PTPRN2: variants seen among roughly 807,000 people sequenced by gnomAD.
The protein encoded by PTPRN2 is protein tyrosine phosphatase receptor type N2.
In PTPRN2, 74 loss-of-function variants were observed where a neutral mutation model predicts 118.8. The observed-to-expected ratio is 0.62, with a 90% CI of 0.52 to 0.76. The LOEUF is 0.76. Ranked by LOEUF, PTPRN2 falls within the 30% of genes least tolerant of loss-of-function variation. The pLI is 0.00. For synonymous variants in PTPRN2, 641 were observed against 608.0 expected, an observed-to-expected ratio of 1.05 and a Z score of -0.80; for missense variants, 1,481 against 1,394.4, an observed-to-expected ratio of 1.06 and a Z score of -0.99.
intron 3 of PTPRN2, among the ~76,000 whole-genome samples, chr7:158,278,159 T>TTA (rs1799159051): frequency 6.6e-6 from 1 of 152,040 alleles, no homozygotes; most frequent in South Asian, 2.1e-4. Flanking sequence ...GTCTAGAACA[T>TTA]TCCTAGAGCC....
In PTPRN2 at chr7:158,020,951, C is replaced by T. The variant is rs143922645; in HGVS notation, c.1723+60347G>A. Among the ~76,000 whole-genome samples, 310 of 152,274 alleles carry T rather than the reference C, an allele frequency of 2.0e-3. 4 individuals carry two copies. The highest frequency in any genetic ancestry group is 2.7e-3 in the Non-Finnish European group (183 of 68,010). ...CTCTATAGAGGAGGCTGTTCCTAGACGGACATCGGGTCAGACGGTTTTTGC... is the reference window on the plus strand; with the variant it reads ...CTCTATAGAGGAGGCTGTTCCTAGATGGACATCGGGTCAGACGGTTTTTGC... On this transcript the variant is annotated intron_variant, in intron 11 of 22. Coordinates refer to ENST00000389418, the MANE Select transcript of PTPRN2 (RefSeq NM_002847.5).
Position 158,281,922 on chromosome 7 carries a change from G to T in PTPRN2, c.277+34897C>A, listed in dbSNP as rs551739673. Among the ~76,000 whole-genome samples, 3 of 152,330 alleles carry T rather than the reference G, an allele frequency of 2.0e-5. No homozygotes were observed. In the South Asian group the frequency reaches 6.2e-4, roughly 32 times the overall value. ...TCACCAGAGGAGCAGGATTTACAGG[G>T]TCAAAAGCCATTTCTCCTTCCAGAG... On this transcript the variant is annotated intron_variant, in intron 3 of 22. Coordinates refer to ENST00000389418, the MANE Select transcript of PTPRN2 (RefSeq NM_002847.5).
chr7:157,565,015 A>C (rs987825028), intron 21 of PTPRN2, among the ~76,000 whole-genome samples: 1 of 152,252 alleles, frequency 6.6e-6, no homozygotes, highest in Non-Finnish European at 1.5e-5. Flanking sequence ...ACACAGGCCA[A>C]CCTCGAAGGC....
intron 11 of PTPRN2, among the ~76,000 whole-genome samples, chr7:158,009,324 C>G (rs1278954470): frequency 6.6e-6 from 1 of 152,114 alleles, no homozygotes; most frequent in Non-Finnish European, 1.5e-5. Context: ...TAACCGTCAC[C>G]ACTCAGCTAG....
chr7:158,248,186 G>C (rs1170934380), intron 3 of PTPRN2, among the ~76,000 whole-genome samples: 1 of 152,170 alleles, frequency 6.6e-6, no homozygotes, highest in African/African-American at 2.4e-5. Flanking sequence ...GTCCTTCCAG[G>C]AGCGGCCCCA....
In PTPRN2 at chr7:157,609,586, G is replaced by A. The variant is rs1169930025; in HGVS notation, c.2345-5511C>T. 6.6e-6 allele frequency among the ~76,000 whole-genome samples: 1 copy of A among 152,152 alleles called. No individual in the cohort carries two copies. Among genetic ancestry groups the A allele is most frequent in the African/African-American group, 2.4e-5 (1 of 41,440 alleles). Reference sequence around the variant, plus strand: ...GAACGATTCACGTGGCCACGGCCTCGTGGTCCACAGGGGAGCACAGGGTTT... The same window carrying A: ...GAACGATTCACGTGGCCACGGCCTCATGGTCCACAGGGGAGCACAGGGTTT... On this transcript the variant is annotated intron_variant, in intron 15 of 22. Coordinates refer to ENST00000389418, the MANE Select transcript of PTPRN2 (RefSeq NM_002847.5). This position sits in a 1 kb window ranked among gnomAD's most constrained non-coding sequence, Gnocchi z 4.9.
intron 13 of PTPRN2, among the ~76,000 whole-genome samples, chr7:157,679,534 G>C (rs1388716959): frequency 1.3e-5 from 2 of 152,226 alleles, no homozygotes; most frequent in African/African-American, 4.8e-5. Context: ...CCATGAAATA[G>C]TTCTATTTTG....
chr7:158,258,953 T>C (rs1797210137), intron 3 of PTPRN2, among the ~76,000 whole-genome samples: 1 of 151,978 alleles, frequency 6.6e-6, no homozygotes, highest in Non-Finnish European at 1.5e-5. Context: ...TGATTTCAAC[T>C]AAAGGATCCA....
intron 5 of PTPRN2, among the ~76,000 whole-genome samples, chr7:158,169,058 A>C (rs1334291418): frequency 6.6e-6 from 1 of 152,176 alleles, no homozygotes; most frequent in Non-Finnish European, 1.5e-5. Context: ...GATCAATGTC[A>C]TGTCAGTGGA....
chr7:158,393,481 A>G (rs6459876), intron 2 of PTPRN2, among the ~76,000 whole-genome samples: 78,102 of 151,962 alleles, frequency 0.51, 20,837 homozygotes, highest in African/African-American at 0.59. Context: ...CAGAACAAAA[A>G]AGGACACTCT....
chr7:158,131,042 ACGT>A (rs1818195634), intron 9 of PTPRN2, among the ~76,000 whole-genome samples: 1 of 114,562 alleles, frequency 8.7e-6, no homozygotes, highest in African/African-American at 3.6e-5. Context: ...TTATACACAC[ACGT>A]ACATACAGAC....
At chr7:157,643,234 C>A (rs1804815286) in intron 14 of PTPRN2, among the ~76,000 whole-genome samples, 1 of 152,192 alleles carries the variant, frequency 6.6e-6, no homozygotes, top group South Asian at 2.1e-4. Flanking sequence ...AGATTGGGGT[C>A]AGAGAATTTT....
intron 10 of PTPRN2, among the ~76,000 whole-genome samples, chr7:158,092,461 ATAGG>A (rs980273293): frequency 5.3e-5 from 8 of 151,872 alleles, no homozygotes; most frequent in Non-Finnish European, 8.8e-5. Flanking sequence ...TGAAAAATTG[ATAGG>A]TGGGTGGTTT....
At chr7:158,286,471 G>A (rs1799778519) in intron 3 of PTPRN2, among the ~76,000 whole-genome samples, 1 of 152,190 alleles carries the variant, frequency 6.6e-6, no homozygotes, top group South Asian at 2.1e-4. Context: ...CATTGCGTAT[G>A]ATGTTATCTG....
chr7:157,724,365 G>A (rs1445229661), intron 12 of PTPRN2, among the ~76,000 whole-genome samples: 4 of 152,214 alleles, frequency 2.6e-5, no homozygotes, highest in Non-Finnish European at 5.9e-5. Context: ...AAACGGGTAA[G>A]GATATTAGCC....
chr7:158,155,566 TGCCATCATCACCATC>T (rs1821672976), intron 6 of PTPRN2, among the ~76,000 whole-genome samples: 2 of 7,634 alleles, frequency 2.6e-4, no homozygotes, highest in East Asian at 2.6e-3. Context: ...TCATCATCAT[TGCCATCATCACCATC>T]ACCATCATCA....
intron 12 of PTPRN2, among the ~76,000 whole-genome samples, chr7:157,885,645 A>G (rs957280822): frequency 1.3e-5 from 2 of 152,180 alleles, no homozygotes; most frequent in African/African-American, 4.8e-5. Flanking sequence ...CCTGTATCTC[A>G]TGAACTCTGC....
intron 21 of PTPRN2, among the ~76,000 whole-genome samples, chr7:157,557,552 C>CCACACACACACACA (rs56360906): frequency 1.1e-4 from 16 of 149,730 alleles, no homozygotes; most frequent in African/African-American, 2.5e-4. Context: ...ACACACACTC[C>CCACACACACACACA]CACACACACA....
intron 11 of PTPRN2, among the ~76,000 whole-genome samples, chr7:158,007,378 T>C (rs1042605712): frequency 5.9e-5 from 9 of 151,938 alleles, no homozygotes; most frequent in Admixed American, 4.6e-4. Flanking sequence ...AACATTTCCT[T>C]TGCTTCTCGT....
Sources: gnomAD v4.1 joint callset for allele counts (sites outside exome capture counted in the v4.1 genomes callset) on GRCh38, gnomAD v4.1.1 for gene constraint, Gnocchi (gnomAD v3.1) non-coding constraint, MANE v1.5 for transcripts, NCBI Gene and HGNC (gene_info 2026-07-23, HGNC 2026-07-21) for gene names.